Variants in PTPRN2 observed in about 807,000 individuals in gnomAD.
PTPRN2 encodes protein tyrosine phosphatase receptor type N2.
A neutral mutation model predicts 118.8 loss-of-function variants in PTPRN2; 74 were observed. The ratio of observed to expected loss-of-function variants is 0.62; its 90% CI spans 0.52 to 0.76. PTPRN2 has a LOEUF of 0.76. Ranked by LOEUF, PTPRN2 falls within the 30% of genes least tolerant of loss-of-function variation. The pLI is 0.00. For missense variants in PTPRN2, 1,481 were observed against 1,394.4 expected (o/e 1.06, Z -0.99); for synonymous variants, 641 against 608.0 (o/e 1.05, Z -0.80).
chr7:158,092,471 G>T (rs1814275359), intron 10 of PTPRN2, among the ~76,000 whole-genome samples: 1 of 151,664 alleles, frequency 6.6e-6, no homozygotes, highest in African/African-American at 2.4e-5. Flanking sequence ...ATAGGTGGGT[G>T]GTTTGGTGGA....
At position 157,551,054 on chromosome 7, in the gene PTPRN2, C is replaced by T. The variant is rs753654400; in HGVS notation, c.2903-2035G>A. ...GCTTCCTCTCCTCCTCCTCCTCCCA[C>T]GGACACTCCTGCAGTTGGTGCCTAC... On this transcript the variant is annotated intron_variant, in intron 21 of 22. Coordinates refer to ENST00000389418, the MANE Select transcript of PTPRN2 (RefSeq NM_002847.5). 5.3e-5 allele frequency among the ~76,000 whole-genome samples: 8 copies of T among 152,150 alleles called. No homozygotes were observed. In the East Asian group the frequency reaches 5.8e-4, roughly 11 times the overall value.
intron 2 of PTPRN2, among the ~76,000 whole-genome samples, chr7:158,370,854 C>T (rs546023849): frequency 1.5e-4 from 23 of 152,294 alleles, no homozygotes; most frequent in African/African-American, 4.8e-4. Flanking sequence ...ACTTCCACTT[C>T]CAAAGATGCT....
chr7:158,507,448 G>C (rs1822836738), intron 1 of PTPRN2, among the ~76,000 whole-genome samples: 1 of 150,380 alleles, frequency 6.6e-6, no homozygotes, highest in African/African-American at 2.4e-5. Flanking sequence ...GGACAGCCCT[G>C]TGCTGGGCAG....
intron 2 of PTPRN2, among the ~76,000 whole-genome samples, chr7:158,425,131 A>C (rs923830133): frequency 2.0e-5 from 3 of 152,278 alleles, no homozygotes; most frequent in African/African-American, 7.2e-5. Flanking sequence ...AATAGGCTGA[A>C]AGTCCTGCTG....
intron 2 of PTPRN2, among the ~76,000 whole-genome samples, chr7:158,449,566 T>C (rs777033674): frequency 3.3e-5 from 5 of 150,608 alleles, no homozygotes; most frequent in Non-Finnish European, 5.9e-5. Context: ...GCAAGACACA[T>C]AGCGCGGGCC....
At chr7:157,939,610 T>TGCG (rs1366637327) in intron 11 of PTPRN2, among the ~76,000 whole-genome samples, 2 of 152,220 alleles carry the variant, frequency 1.3e-5, no homozygotes, top group Non-Finnish European at 2.9e-5. Flanking sequence ...TTAGCAAAGG[T>TGCG]GAGGCCCTGA....
intron 1 of PTPRN2, among the ~76,000 whole-genome samples, chr7:158,576,520 T>C (rs992524794): frequency 6.6e-6 from 1 of 152,172 alleles, no homozygotes; most frequent in Non-Finnish European, 1.5e-5. Context: ...CCAGCACCTC[T>C]GCCTGCCTCT....
intron 11 of PTPRN2, among the ~76,000 whole-genome samples, chr7:158,060,990 G>C (rs1419354635): frequency 3.3e-5 from 5 of 152,234 alleles, no homozygotes; most frequent in Non-Finnish European, 7.3e-5. Context: ...CTATCAAACT[G>C]ACATTTCCTT....
rs183094866 is a variant in PTPRN2, at chr7:158,128,720, G to A, written c.1556+4957C>T. ...AAACCACACCGGCCTCCTGCTCTCC[G>A]GGTGAACACCTCGGCATCCATTTGG... On this transcript the variant is annotated intron_variant, in intron 9 of 22. Coordinates refer to ENST00000389418, the MANE Select transcript of PTPRN2 (RefSeq NM_002847.5). Among the ~76,000 whole-genome samples the A allele has an allele frequency of 5.1e-3, 774 of 152,160 alleles. 4 individuals carry two copies. Among genetic ancestry groups the A allele is most frequent in the African/African-American group, 0.013 (519 of 41,514 alleles).
In PTPRN2 at chr7:157,550,661, G is replaced by C. The variant is rs1055776598; in HGVS notation, c.2903-1642C>G. Reference sequence around the variant, plus strand: ...CCGTCCCTCCAGCTCCCATCCCCTGGTTAAAGGACCCCATTCTCCTGGGCA... The same window carrying C: ...CCGTCCCTCCAGCTCCCATCCCCTGCTTAAAGGACCCCATTCTCCTGGGCA... On this transcript the variant is annotated intron_variant, in intron 21 of 22. Transcript: ENST00000389418. The surrounding 1 kb of genome is among the most constrained non-coding windows in gnomAD (Gnocchi z 5.2). Among the ~76,000 whole-genome samples the C allele has an allele frequency of 6.6e-6, 1 of 152,212 alleles. No individual in the cohort carries two copies. Among genetic ancestry groups the C allele is most frequent in the Non-Finnish European group, 1.5e-5 (1 of 68,030 alleles).
At chr7:158,389,040 G>A (rs1157999903) in intron 2 of PTPRN2, among the ~76,000 whole-genome samples, 2 of 152,258 alleles carry the variant, frequency 1.3e-5, no homozygotes, top group African/African-American at 4.8e-5. Flanking sequence ...CACCCAACGT[G>A]AGGCGGGCCC....
rs537647465 is a variant in PTPRN2, at chr7:157,553,963, G to A, written c.2903-4944C>T. Among the ~76,000 whole-genome samples, 16 of 134,588 alleles carry A rather than the reference G, an allele frequency of 1.2e-4. No homozygotes were observed. In the East Asian group the frequency reaches 3.2e-3, roughly 27 times the overall value. The allele number at this position is 134,588 out of a possible 152,430, so 88.3% of individuals were successfully genotyped here. A position where few individuals can be genotyped will look rare whatever the true frequency, so the allele number is the denominator to read the frequency against. ...CTGGTGCCCTCCTGAGCATGGGTAC[G>A]GCCAGGCCGGGCGCCGGATCCTGCC... On this transcript the variant is annotated intron_variant, in intron 21 of 22. Coordinates refer to ENST00000389418, the MANE Select transcript of PTPRN2 (RefSeq NM_002847.5).
intron 15 of PTPRN2, among the ~76,000 whole-genome samples, chr7:157,614,320 G>A (rs1006526006): frequency 1.3e-5 from 2 of 152,132 alleles, no homozygotes; most frequent in Non-Finnish European, 2.9e-5. Context: ...GGGCAGGTGA[G>A]CTTCTCGTGG....
At chr7:158,395,298 T>TGAGGGGCGAGGGGTGAGGGGC (rs1232440753) in intron 2 of PTPRN2, among the ~76,000 whole-genome samples, 17 of 19,320 alleles carry the variant, frequency 8.8e-4, no homozygotes, top group African/African-American at 2.7e-3. Flanking sequence ...GGGTGAGGGG[T>TGAGGGGCGAGGGGTGAGGGGC]GAGGGGCGAG....
intron 2 of PTPRN2, among the ~76,000 whole-genome samples, chr7:158,338,278 C>G (rs142965787): frequency 5.0e-4 from 24 of 47,798 alleles, no homozygotes; most frequent in African/African-American, 8.7e-4. Flanking sequence ...ACCATAAGCG[C>G]TGACACCTGC....
At chr7:158,318,267 G>C (rs1802515653) in intron 2 of PTPRN2, among the ~76,000 whole-genome samples, 1 of 152,210 alleles carries the variant, frequency 6.6e-6, no homozygotes, top group South Asian at 2.1e-4. Context: ...TGGGAAAGGG[G>C]GGAGGAGGGA....
chr7:157,750,521 G>C (rs1438518048), intron 12 of PTPRN2, among the ~76,000 whole-genome samples: 1 of 152,236 alleles, frequency 6.6e-6, no homozygotes, highest in Non-Finnish European at 1.5e-5. Flanking sequence ...GGAGCTGCTG[G>C]AGACCCAGCC....
At chr7:157,766,417 ACCAT>A (rs1380341068) in intron 12 of PTPRN2, among the ~76,000 whole-genome samples, 2 of 142,802 alleles carry the variant, frequency 1.4e-5, no homozygotes, top group African/African-American at 5.3e-5. Context: ...TGTCAACCAA[ACCAT>A]CCATCCATCC....
At chr7:158,313,359 C>A (rs1802031190) in intron 3 of PTPRN2, among the ~76,000 whole-genome samples, 1 of 152,208 alleles carries the variant, frequency 6.6e-6, no homozygotes, top group Non-Finnish European at 1.5e-5. Context: ...AAGGTGTCAG[C>A]AATTCTGTGT....
Sources: allele counts gnomAD v4.1 joint callset (sites outside exome capture counted in the v4.1 genomes callset), GRCh38; gene constraint gnomAD v4.1.1; non-coding constraint Gnocchi (gnomAD v3.1); transcripts MANE v1.5; gene names NCBI Gene and HGNC (gene_info 2026-07-23, HGNC 2026-07-21).